Variants in GNB1 observed in about 807,000 individuals in gnomAD.
The protein encoded by GNB1 is guanine nucleotide-binding protein G(I)/G(S)/G(T) subunit beta-1.
GNB1 carries 2 observed loss-of-function variants against 42.9 expected under a neutral mutation model. That is an observed-to-expected ratio of 0.05 (90% CI 0.02 to 0.15). The LOEUF (loss-of-function observed/expected upper bound fraction) is 0.15, where lower values mean the gene tolerates loss of function less well. Among genes scored for constraint, GNB1 ranks in the 10% least tolerant of loss-of-function variants. The pLI is 1.00. For synonymous variants in GNB1, 183 were observed against 174.7 expected (o/e 1.05, Z -0.38); for missense variants, 193 against 462.2 (o/e 0.42, Z 5.34).
Position 1,786,073 on chromosome 1 carries a change from T to G in GNB1, c.*990A>C. ...GCAAACAATCAAAATTTTTAAAATT[T>G]AACTTAGAAAGTCTGAGATCATTAT... On this transcript the variant is annotated 3_prime_UTR_variant, in exon 12 of 12. Coordinates refer to ENST00000378609, the MANE Select transcript of GNB1 (RefSeq NM_002074.5). The G allele has an allele frequency of 2.5e-6, 1 of 398,586 alleles. No individual in the cohort carries two copies. 24.7% of individuals were successfully genotyped at this position (398,586 alleles called of 1,614,324 possible). A position where few individuals can be genotyped will look rare whatever the true frequency, so the allele number is the denominator to read the frequency against.
At chr1:1,871,094 T>C (rs772061934) in intron 1 of GNB1, among the ~76,000 whole-genome samples, 3 of 152,158 alleles carry the variant, frequency 2.0e-5, no homozygotes, top group Non-Finnish European at 4.4e-5. Context: ...GACTCCAATC[T>C]GGCTTTCACT....
intron 1 of GNB1, among the ~76,000 whole-genome samples, chr1:1,884,698 TGA>T (rs1650049187): frequency 1.3e-5 from 2 of 151,916 alleles, no homozygotes; most frequent in Admixed American, 1.3e-4. Context: ...TTTTTTTTTT[TGA>T]GAGACGGAGT....
At chr1:1,870,852 C>G (rs1010940598) in intron 1 of GNB1, among the ~76,000 whole-genome samples, 1 of 151,736 alleles carries the variant, frequency 6.6e-6, no homozygotes, top group African/African-American at 2.4e-5. Context: ...GCAGGAGAAT[C>G]GCTTGAACCT....
intron 1 of GNB1, 150 bp downstream of exon 1, chr1:1,890,670 C>A (rs1220386946): frequency 1.4e-5 from 2 of 147,912 alleles, no homozygotes; most frequent in Non-Finnish European, 3.0e-5. Flanking sequence ...CAGCCCCCGG[C>A]CCCCCCTTCG....
At chr1:1,855,484 AAGGTC>A (rs1648233770) in intron 1 of GNB1, among the ~76,000 whole-genome samples, 1 of 151,828 alleles carries the variant, frequency 6.6e-6, no homozygotes, top group Admixed American at 6.6e-5. Context: ...GGCGGATCAC[AAGGTC>A]AGGAGATCAA....
At chr1:1,854,338 T>A (rs1435172512) in intron 1 of GNB1, among the ~76,000 whole-genome samples, 1 of 152,182 alleles carries the variant, frequency 6.6e-6, no homozygotes. Context: ...CTAGTCAAGA[T>A]TTCTTACCTG....
chr1:1,825,866 A>G (rs78834170), intron 2 of GNB1, among the ~76,000 whole-genome samples: 35 of 148,300 alleles, frequency 2.4e-4, no homozygotes, highest in Non-Finnish European at 1.7e-4. Context: ...CTCCGTCTCA[A>G]AAAAAAAAAA....
chr1:1,817,722 G>A, intron 4 of GNB1, 115 bp downstream of exon 4: 1 of 653,486 alleles, frequency 1.5e-6, no homozygotes, highest in Non-Finnish European at 2.8e-6. Context: ...CAGTGGCTTG[G>A]CATCCTCACT....
intron 1 of GNB1, among the ~76,000 whole-genome samples, chr1:1,857,536 G>C (rs923583764): frequency 1.3e-5 from 2 of 152,110 alleles, no homozygotes; most frequent in African/African-American, 4.8e-5. Flanking sequence ...AACTGGGGAG[G>C]ATACAGCAAG....
At chr1:1,842,672 G>A (rs1647292935) in intron 1 of GNB1, among the ~76,000 whole-genome samples, 1 of 152,284 alleles carries the variant, frequency 6.6e-6, no homozygotes, top group South Asian at 2.1e-4. Flanking sequence ...TGGGTACAGG[G>A]TTTCCTTTTG....
intron 2 of GNB1, among the ~76,000 whole-genome samples, chr1:1,826,049 G>A (rs888893770): frequency 1.3e-5 from 2 of 152,072 alleles, no homozygotes; most frequent in African/African-American, 4.8e-5. Flanking sequence ...TATGCTGGTG[G>A]GTTATAAAAA....
chr1:1,812,565 C>T (rs1489821027), intron 5 of GNB1, among the ~76,000 whole-genome samples: 2 of 152,140 alleles, frequency 1.3e-5, no homozygotes, highest in Non-Finnish European at 2.9e-5. Context: ...TTTTGGTTTT[C>T]TCATGACTGT....
chr1:1,880,354 G>A (rs1044509487), intron 1 of GNB1, among the ~76,000 whole-genome samples: 11 of 152,042 alleles, frequency 7.2e-5, no homozygotes, highest in African/African-American at 2.2e-4. Flanking sequence ...TAATCCCAGC[G>A]CTTTGGGAGG....
At chr1:1,839,963 T>C (rs1647203268) in intron 1 of GNB1, among the ~76,000 whole-genome samples, 1 of 151,936 alleles carries the variant, frequency 6.6e-6, no homozygotes, top group Non-Finnish European at 1.5e-5. Context: ...GAGACCAGTC[T>C]GGCCAACGTG....
chr1:1,846,342 G>A (rs747041802), intron 1 of GNB1, among the ~76,000 whole-genome samples: 25 of 152,066 alleles, frequency 1.6e-4, no homozygotes, highest in Non-Finnish European at 2.2e-4. Flanking sequence ...CAAGGCAGGC[G>A]GATCACCTAA....
rs1255537051 is a variant in GNB1 at position 1,790,838 on chromosome 1, C to T, written c.498-242G>A. Among the ~76,000 whole-genome samples the T allele has an allele frequency of 1.3e-5, 2 of 152,190 alleles. No homozygotes were observed. The highest frequency in any genetic ancestry group is 2.9e-5 in the Non-Finnish European group (2 of 68,038). On this transcript the variant is annotated intron_variant, in intron 8 of 11. Transcript: ENST00000378609. This position sits in a 1 kb window ranked among gnomAD's most constrained non-coding sequence, Gnocchi z 5.4. ...GGCCTGGGCTTCAGAATGACGGGAT[C>T]GCTACCTCAACTCAAATGCCAGCAA...
intron 1 of GNB1, among the ~76,000 whole-genome samples, chr1:1,876,415 A>G (rs1048963330): frequency 6.6e-6 from 1 of 152,068 alleles, no homozygotes; most frequent in African/African-American, 2.4e-5. Context: ...CCTCCTGGAT[A>G]GCTGGGACTA....
intron 1 of GNB1, among the ~76,000 whole-genome samples, chr1:1,885,106 T>A (rs1650074784): frequency 6.6e-6 from 1 of 151,786 alleles, no homozygotes; most frequent in African/African-American, 2.4e-5. Flanking sequence ...GCAAAATAGG[T>A]TCAACAGAAT....
intron 1 of GNB1, among the ~76,000 whole-genome samples, chr1:1,852,489 C>T (rs1046588060): frequency 6.6e-6 from 1 of 151,982 alleles, no homozygotes; most frequent in Non-Finnish European, 1.5e-5. Flanking sequence ...CTCAGTCTCC[C>T]AAAGTGCTAG....
Sources: gnomAD v4.1 joint callset for allele counts (sites outside exome capture counted in the v4.1 genomes callset) on GRCh38, gnomAD v4.1.1 for gene constraint, Gnocchi (gnomAD v3.1) non-coding constraint, MANE v1.5 for transcripts, NCBI Gene and HGNC (gene_info 2026-07-23, HGNC 2026-07-21) for gene names.